ZNF462: variants seen among roughly 807,000 people sequenced by gnomAD.
ZNF462 encodes zinc finger PBX1-interacting protein.
Under a neutral mutation model 201.9 loss-of-function variants are expected in ZNF462, and 10 were observed. The ratio of observed to expected loss-of-function variants is 0.05; its 90% CI spans 0.03 to 0.08. The LOEUF is 0.08. ZNF462 is among the 10% of genes least tolerant of loss of function. ZNF462 has a pLI of 1.00. For synonymous variants in ZNF462, 1,227 were observed against 1,193.3 expected, an observed-to-expected ratio of 1.03 and a Z score of -0.58; for missense variants, 2,523 against 3,168.3, an observed-to-expected ratio of 0.80 and a Z score of 4.89.
rs1225506424 is a variant in ZNF462 at position 106,978,338 on chromosome 9, A to G, written c.6832+4065A>G. 6.6e-6 allele frequency among the ~76,000 whole-genome samples: 1 copy of G among 151,654 alleles called. No individual in the cohort carries two copies. Among genetic ancestry groups the G allele is most frequent in the African/African-American group, 2.4e-5 (1 of 40,904 alleles). ...ACATTTCCGGGGTCCTGAAGAGAAT[A>G]GGAAGCATACCAGAGAAGTATGTTC... On this transcript the variant is annotated intron_variant, in intron 9 of 12. Transcript: ENST00000277225. This position sits in a 1 kb window ranked among gnomAD's most constrained non-coding sequence, Gnocchi z 4.1.
chr9:106,894,230 C>T (rs1828713927), intron 1 of ZNF462, among the ~76,000 whole-genome samples: 1 of 152,156 alleles, frequency 6.6e-6, no homozygotes, highest in South Asian at 2.1e-4. Flanking sequence ...GCTGCTAGGC[C>T]GAGGTTCAAA....
intron 7 of ZNF462, among the ~76,000 whole-genome samples, chr9:106,939,772 C>T (rs1184038874): frequency 6.6e-6 from 1 of 152,166 alleles, no homozygotes; most frequent in Non-Finnish European, 1.5e-5. Context: ...TTAGGGCCTG[C>T]AGATATGGCA....
intron 7 of ZNF462, among the ~76,000 whole-genome samples, chr9:106,955,446 C>T (rs896190919): frequency 2.6e-5 from 4 of 152,124 alleles, no homozygotes; most frequent in Non-Finnish European, 5.9e-5. Flanking sequence ...CTCATAATCT[C>T]TTTGCTAATG....
chr9:106,944,723 A>C (rs895461986), intron 7 of ZNF462, among the ~76,000 whole-genome samples: 7 of 152,192 alleles, frequency 4.6e-5, no homozygotes, highest in Non-Finnish European at 8.8e-5. Context: ...TGCCCTTCCC[A>C]GTCTCTAGTA....
At chr9:106,992,910 T>A (rs1242461487) in intron 10 of ZNF462, among the ~76,000 whole-genome samples, 6 of 152,108 alleles carry the variant, frequency 3.9e-5, no homozygotes, top group African/African-American at 1.4e-4. Context: ...AAATGTTAAT[T>A]TCCTGTAGTC....
rs376888556 is a variant in ZNF462, at chr9:106,925,024, C to T, written c.1112C>T (p.Thr371Ile). The change falls in exon 3 of 13, where the codon ACC becomes ATC. Residue 371 changes from threonine (T) to isoleucine (I), a missense_variant. Transcript: ENST00000277225. This position sits in a 1 kb window ranked among gnomAD's most constrained non-coding sequence, Gnocchi z 7.9. ...TCCCGTTATGGAATGACTGACATGA[C>T]CAATTCTTCTGCTGACCTGGAAACT... The part of the protein sequence containing the change: ...ERSRYGMTDM[T>I]NSSADLETNS... 3.7e-5 allele frequency: 60 copies of T among 1,614,050 alleles called. No homozygotes were observed. In the Admixed American group the frequency reaches 4.2e-4, roughly 11 times the overall value.
At chr9:106,998,174 G>C (rs1303924792) in intron 10 of ZNF462, among the ~76,000 whole-genome samples, 2 of 152,094 alleles carry the variant, frequency 1.3e-5, no homozygotes, top group Non-Finnish European at 2.9e-5. Flanking sequence ...TCCTGGTTGG[G>C]TGCCTCTTTT....
upstream of ZNF462, among the ~76,000 whole-genome samples, chr9:106,860,973 C>T (rs1305911238): frequency 2.0e-5 from 3 of 151,940 alleles, no homozygotes; most frequent in Admixed American, 6.6e-5. This position sits in a 1 kb window ranked among gnomAD's most constrained non-coding sequence, Gnocchi z 7.1. Context: ...TCCCGTTCCC[C>T]TTTCGCCTCT....
chr9:106,945,693 A>G (rs889246429), intron 7 of ZNF462, among the ~76,000 whole-genome samples: 2 of 152,200 alleles, frequency 1.3e-5, no homozygotes, highest in Non-Finnish European at 2.9e-5. Context: ...TCTTTTTGAC[A>G]TCAGAATTTC....
At chr9:106,915,534 A>C (rs1409961362) in intron 1 of ZNF462, among the ~76,000 whole-genome samples, 1 of 152,248 alleles carries the variant, frequency 6.6e-6, no homozygotes, top group Admixed American at 6.5e-5. Flanking sequence ...CCAGTCCCAT[A>C]TAGAAACACA....
At position 106,926,716 on chromosome 9, in the gene ZNF462, C is replaced by G; in HGVS notation, c.2804C>G (p.Pro935Arg). The G allele has an allele frequency of 6.2e-7, 1 of 1,614,034 alleles. No homozygotes were observed. Among genetic ancestry groups the G allele is most frequent in the Non-Finnish European group, 8.5e-7 (1 of 1,180,008 alleles). The change falls in exon 3 of 13, where the codon CCG becomes CGG. Residue 935 changes from proline (P) to arginine (R), a missense_variant. Coordinates refer to ENST00000277225, the MANE Select transcript of ZNF462 (RefSeq NM_021224.6). The surrounding 1 kb of genome is among the most constrained non-coding windows in gnomAD (Gnocchi z 7.9). ...YRCRFCSYTS[P>R]NVRSLMPHYQ... ...TGTCGGTTTTGTTCATACACGAGCC[C>G]GAATGTTAGAAGCCTGATGCCACAT... is the stretch of plus-strand genomic sequence containing the variant.
intron 10 of ZNF462, among the ~76,000 whole-genome samples, chr9:106,987,854 A>G (rs1827969440): frequency 6.6e-6 from 1 of 152,148 alleles, no homozygotes; most frequent in Non-Finnish European, 1.5e-5. Context: ...GTGAGAGATG[A>G]GGATCCAGTT....
At position 106,872,740 on chromosome 9, in the gene ZNF462, T is replaced by A. The variant is rs1451115095; in HGVS notation, c.-31+9385T>A. On this transcript the variant is annotated intron_variant, in intron 1 of 12. Transcript: ENST00000277225. The surrounding 1 kb of genome is among the most constrained non-coding windows in gnomAD (Gnocchi z 4.5). Reference sequence around the variant, plus strand: ...CCCCTTTCTGCTGTCAATTGAATATTGTCTGTTCTAATACTGGGTAAGAAC... The same window carrying A: ...CCCCTTTCTGCTGTCAATTGAATATAGTCTGTTCTAATACTGGGTAAGAAC... 6.6e-6 allele frequency among the ~76,000 whole-genome samples: 1 copy of A among 152,180 alleles called. No homozygotes were observed. The highest frequency in any genetic ancestry group is 2.4e-5 in the African/African-American group (1 of 41,442).
intron 1 of ZNF462, among the ~76,000 whole-genome samples, chr9:106,891,193 A>T (rs1458978345): frequency 6.6e-6 from 1 of 152,216 alleles, no homozygotes; most frequent in Non-Finnish European, 1.5e-5. Context: ...AAAAAGAAAA[A>T]TGCATTTCCC....
At position 106,970,500 on chromosome 9, in the gene ZNF462, A is replaced by G. The variant is rs186173198; in HGVS notation, c.6428-1505A>G. Among the ~76,000 whole-genome samples the G allele has an allele frequency of 1.3e-5, 2 of 152,292 alleles. No individual in the cohort carries two copies. The highest frequency in any genetic ancestry group is 6.5e-5 in the Admixed American group (1 of 15,302). On this transcript the variant is annotated intron_variant, in intron 7 of 12. Transcript: ENST00000277225. The surrounding 1 kb of genome is among the most constrained non-coding windows in gnomAD (Gnocchi z 4.2). ...AATATGGGTTTTAGAGAATTCCTCC[A>G]TGTCCTGCCTTAGGGAATTATGCTT... is the stretch of plus-strand genomic sequence containing the variant.
chr9:106,973,554 G>A (rs138541116), intron 8 of ZNF462, among the ~76,000 whole-genome samples: 5 of 152,250 alleles, frequency 3.3e-5, no homozygotes, highest in Middle Eastern at 3.4e-3. Flanking sequence ...TAAAGTCTTG[G>A]CTTTATCGAT....
rs919225318 is a variant in ZNF462 at position 106,990,603 on chromosome 9, A to G, written c.7056+6194A>G. Among the ~76,000 whole-genome samples the G allele has an allele frequency of 3.9e-5, 6 of 151,984 alleles. No homozygotes were observed. In the South Asian group the frequency reaches 8.3e-4, roughly 21 times the overall value. On this transcript the variant is annotated intron_variant, in intron 10 of 12. Coordinates refer to ENST00000277225, the MANE Select transcript of ZNF462 (RefSeq NM_021224.6). Reference sequence around the variant, plus strand: ...TTTAACGTAATATTTTCACTATGCCATATTATGTTCTTTAATTTTTTTCTC... The same window carrying G: ...TTTAACGTAATATTTTCACTATGCCGTATTATGTTCTTTAATTTTTTTCTC...
At chr9:106,941,252 G>A (rs577737899) in intron 7 of ZNF462, among the ~76,000 whole-genome samples, 1 of 152,296 alleles carries the variant, frequency 6.6e-6, no homozygotes, top group South Asian at 2.1e-4. Context: ...TCAGAAATGA[G>A]TATAGTATTT....
Position 106,879,341 on chromosome 9 carries a change from C to CG in ZNF462, c.-31+15986_-31+15987insG, listed in dbSNP as rs560536320. The stretch of plus-strand genomic sequence containing the variant: ...TAGAGAGATGCTTTCCACCCCCCCC[C>CG]CCACCCCCCACCTTGTCTCTTGTCC... On this transcript the variant is annotated intron_variant, in intron 1 of 12. Coordinates refer to ENST00000277225, the MANE Select transcript of ZNF462 (RefSeq NM_021224.6). Among the ~76,000 whole-genome samples, 137 of 114,176 alleles carry CG rather than the reference C, an allele frequency of 1.2e-3. 1 individual carries two copies. Among genetic ancestry groups the CG allele is most frequent in the Non-Finnish European group, 2.0e-3 (115 of 56,568 alleles). 74.9% of individuals were successfully genotyped at this position (114,176 alleles called of 152,430 possible).
Sources: allele counts gnomAD v4.1 joint callset (sites outside exome capture counted in the v4.1 genomes callset), GRCh38; gene constraint gnomAD v4.1.1; non-coding constraint Gnocchi (gnomAD v3.1); transcripts MANE v1.5; gene names NCBI Gene and HGNC (gene_info 2026-07-23, HGNC 2026-07-21).